LIN54: variants seen among roughly 807,000 people sequenced by gnomAD.
LIN54 encodes lin-54 DREAM MuvB core complex component.
A neutral mutation model predicts 78.7 loss-of-function variants in LIN54; 9 were observed. The observed-to-expected ratio is 0.11, with a 90% CI of 0.07 to 0.20. The LOEUF is 0.20. Among genes scored for constraint, LIN54 ranks in the 10% least tolerant of loss-of-function variants. The pLI is 1.00. For missense variants in LIN54, 573 were observed against 889.9 expected (o/e 0.64, Z 4.53); for synonymous variants, 269 against 318.4 (o/e 0.84, Z 1.65).
In LIN54 at chr4:82,925,186, T is replaced by C. The variant is rs528445946; in HGVS notation, c.*2916A>G. On this transcript the variant is annotated 3_prime_UTR_variant, in exon 13 of 13. Coordinates refer to ENST00000340417, the MANE Select transcript of LIN54 (RefSeq NM_194282.4). ...TAGCTATCATAAGAACATTTCACAT[T>C]AAAAGACAGAGTAGATTGATTTTCT... is the stretch of plus-strand genomic sequence containing the variant. 1 of 152,668 alleles carries C rather than the reference T, an allele frequency of 6.6e-6. No individual in the cohort carries two copies. The highest frequency in any genetic ancestry group is 6.5e-5 in the Admixed American group (1 of 15,282). The allele number at this position is 152,668 out of a possible 1,614,324, so 9.5% of individuals were successfully genotyped here. A position where few individuals can be genotyped will look rare whatever the true frequency, so the allele number is the denominator to read the frequency against.
chr4:82,939,667 T>G lies in LIN54; in HGVS notation c.1312A>C (p.Met438Leu). Reference protein sequence around the residue: ...TTSQPQQRLIMPATPLPQIQP... With the variant: ...TTSQPQQRLILPATPLPQIQP... Reference sequence around the variant, plus strand: ...ATCTGTGGCAGTGGTGTGGCAGGCATGATAAGCCGTTGCTGTGGCTGGCTA... The same window carrying G: ...ATCTGTGGCAGTGGTGTGGCAGGCAGGATAAGCCGTTGCTGTGGCTGGCTA... The change falls in exon 7 of 13, where the codon ATG becomes CTG. Residue 438 changes from methionine to leucine, a missense_variant. Physicochemically the swap from Met to Leu is conservative, Grantham distance 15. Transcript: ENST00000340417. The G allele has an allele frequency of 6.2e-7, 1 of 1,614,038 alleles. No individual in the cohort carries two copies.
Position 82,937,284 on chromosome 4 carries a change from T to C in LIN54, c.1547A>G (p.Glu516Gly). 1 of 1,592,828 alleles carries C rather than the reference T, an allele frequency of 6.3e-7. No homozygotes were observed. The change falls in exon 9 of 13, where the codon GAG (glutamate) becomes GGG (glycine). Residue 516 changes from glutamate (E) to glycine (G), a missense_variant. Transcript: ENST00000340417. ...RLPFNGIIPS[E>G]SASRPRKPCN... ...GGGCTTTCGGGGCCGACTGGCCGAC[T>C]CTGATGGGATTATGCTGTACAGATA...
At chr4:82,931,959 T>G (rs1721987228) in intron 11 of LIN54, among the ~76,000 whole-genome samples, 1 of 152,188 alleles carries the variant, frequency 6.6e-6, no homozygotes, top group South Asian at 2.1e-4. Flanking sequence ...GATGGGTGTT[T>G]ATTTTTGTTT....
chr4:82,967,244 G>GA (rs1725284110), intron 4 of LIN54, among the ~76,000 whole-genome samples: 2 of 150,664 alleles, frequency 1.3e-5, no homozygotes, highest in South Asian at 4.2e-4. Context: ...AAAGAAAAAA[G>GA]AAAAAAAAGG....
chr4:83,008,517 T>C (rs903480748), intron 1 of LIN54, among the ~76,000 whole-genome samples: 11 of 152,068 alleles, frequency 7.2e-5, no homozygotes, highest in Non-Finnish European at 1.5e-4. Flanking sequence ...CCCGGCGTGG[T>C]GGCGGGCGCC....
chr4:83,001,394 T>G (rs1425392140), intron 1 of LIN54, among the ~76,000 whole-genome samples: 1 of 142,918 alleles, frequency 7.0e-6, no homozygotes, highest in Non-Finnish European at 1.5e-5. Flanking sequence ...TACAAAAAAT[T>G]TAAAAGTTAG....
At chr4:82,963,900 T>C (rs1338584015) in intron 4 of LIN54, among the ~76,000 whole-genome samples, 1 of 152,200 alleles carries the variant, frequency 6.6e-6, no homozygotes, top group Admixed American at 6.5e-5. Flanking sequence ...TTGACCATGT[T>C]ATATAATCAC....
intron 9 of LIN54, 28 bp downstream of exon 9, chr4:82,937,195 TTAAA>T: frequency 3.8e-6 from 4 of 1,056,940 alleles, no homozygotes; most frequent in Non-Finnish European, 4.5e-6. Flanking sequence ...TCTAATTACA[TTAAA>T]TAAGCAAACA....
At chr4:82,986,399 G>C (rs1028837749) in intron 1 of LIN54, among the ~76,000 whole-genome samples, 4 of 152,080 alleles carry the variant, frequency 2.6e-5, no homozygotes. Context: ...TTATAGGTGT[G>C]AGCCACCATG....
At chr4:83,006,185 C>T (rs1446447636) in intron 1 of LIN54, among the ~76,000 whole-genome samples, 1 of 152,132 alleles carries the variant, frequency 6.6e-6, no homozygotes, top group African/African-American at 2.4e-5. Context: ...TGCAGTGGCT[C>T]ACGCCTGTAA....
chr4:82,964,577 T>C (rs1290512472), intron 4 of LIN54, among the ~76,000 whole-genome samples: 1 of 152,184 alleles, frequency 6.6e-6, no homozygotes, highest in Non-Finnish European at 1.5e-5. Context: ...ATTAAGACTG[T>C]CATAAAATTC....
At chr4:82,983,705 C>T (rs1415473467) in intron 2 of LIN54, among the ~76,000 whole-genome samples, 1 of 151,968 alleles carries the variant, frequency 6.6e-6, no homozygotes, top group East Asian at 1.9e-4. Flanking sequence ...ATAAAAGGCA[C>T]ACGCTGGCTG....
intron 11 of LIN54, among the ~76,000 whole-genome samples, chr4:82,933,334 A>G (rs1722121071): frequency 6.6e-6 from 1 of 151,348 alleles, no homozygotes; most frequent in Admixed American, 6.6e-5. Flanking sequence ...TCAGATGGAG[A>G]AATTACAATG....
At chr4:83,005,560 G>A (rs1560801668) in intron 1 of LIN54, among the ~76,000 whole-genome samples, 1 of 151,338 alleles carries the variant, frequency 6.6e-6, no homozygotes. Context: ...GGGAGGCAGA[G>A]GTTGCAGTGA....
At chr4:82,940,288 T>C (rs1311060730) in intron 5 of LIN54, among the ~76,000 whole-genome samples, 1 of 152,258 alleles carries the variant, frequency 6.6e-6, no homozygotes, top group Admixed American at 6.5e-5. Context: ...ATGAAATGTA[T>C]AAATAAAAGA....
At chr4:82,992,374 C>A (rs1029212009) in intron 1 of LIN54, among the ~76,000 whole-genome samples, 3 of 152,114 alleles carry the variant, frequency 2.0e-5, no homozygotes, top group Non-Finnish European at 4.4e-5. Context: ...ATTTTATTGA[C>A]CTTTACAAAG....
intron 11 of LIN54, among the ~76,000 whole-genome samples, chr4:82,935,198 T>C (rs2126032125): frequency 6.6e-6 from 1 of 151,346 alleles, no homozygotes; most frequent in South Asian, 2.1e-4. Flanking sequence ...TAACCAGCAT[T>C]TTGGTCAAGA....
rs575533880 is a variant in LIN54, at chr4:82,933,374, T to G, written c.1846-2229A>C. Among the ~76,000 whole-genome samples, 44 of 149,136 alleles carry G rather than the reference T, an allele frequency of 3.0e-4. 1 individual carries two copies. The highest frequency in any genetic ancestry group is 1.0e-4 in the Non-Finnish European group (7 of 67,520). Reference sequence around the variant, plus strand: ...TTAGCTTGGCGAATTTAACTTCCCCTATACCAAAAAAAAAAAAGATGTGGA... The same window carrying G: ...TTAGCTTGGCGAATTTAACTTCCCCGATACCAAAAAAAAAAAAGATGTGGA... On this transcript the variant is annotated intron_variant, in intron 11 of 12. Coordinates refer to ENST00000340417, the MANE Select transcript of LIN54 (RefSeq NM_194282.4).
chr4:82,980,291 A>T (rs1344011285), intron 2 of LIN54, among the ~76,000 whole-genome samples: 2 of 152,196 alleles, frequency 1.3e-5, no homozygotes, highest in Non-Finnish European at 2.9e-5. Context: ...TGTGAAGAAC[A>T]TTAAATATTA....
Sources: allele counts gnomAD v4.1 joint callset (sites outside exome capture counted in the v4.1 genomes callset), GRCh38; gene constraint gnomAD v4.1.1; transcripts MANE v1.5; gene names NCBI Gene and HGNC (gene_info 2026-07-23, HGNC 2026-07-21).